Variants in TCF4 observed in about 807,000 individuals in gnomAD.
The protein encoded by TCF4 is transcription factor 4.
Under a neutral mutation model 82.1 loss-of-function variants are expected in TCF4, and 3 were observed. The ratio of observed to expected loss-of-function variants is 0.04; its 90% CI spans 0.02 to 0.09. The LOEUF is 0.09. Ranked by LOEUF, TCF4 falls within the 10% of genes least tolerant of loss-of-function variation. TCF4 has a pLI of 1.00. For missense variants in TCF4, 518 were observed against 852.7 expected, an observed-to-expected ratio of 0.61 and a Z score of 4.89; for synonymous variants, 276 against 309.6, an observed-to-expected ratio of 0.89 and a Z score of 1.14.
intron 6 of TCF4, among the ~76,000 whole-genome samples, chr18:55,365,390 T>C (rs2086745784): frequency 6.6e-6 from 1 of 151,480 alleles, no homozygotes; most frequent in South Asian, 2.1e-4. Context: ...TTATTTCTTG[T>C]AGAAGCACTG....
chr18:55,325,706 G>A (rs922204091), intron 8 of TCF4, among the ~76,000 whole-genome samples: 1 of 152,120 alleles, frequency 6.6e-6, no homozygotes, highest in Non-Finnish European at 1.5e-5. Context: ...TTGTTGTTTT[G>A]TTGTTGTTGT....
intron 2 of TCF4, among the ~76,000 whole-genome samples, chr18:55,624,485 G>A (rs1045246098): frequency 6.7e-5 from 10 of 150,322 alleles, no homozygotes; most frequent in Non-Finnish European, 1.5e-4. Flanking sequence ...ATATTATTTT[G>A]ATCAGTTTTA....
At chr18:55,246,192 G>GT in intron 15 of TCF4, among the ~76,000 whole-genome samples, 1 of 151,972 alleles carries the variant, frequency 6.6e-6, no homozygotes, top group Non-Finnish European at 1.5e-5. Flanking sequence ...ATGTAAGGAT[G>GT]TAAGAATATG....
chr18:55,586,076 C>G (rs1258846017), intron 2 of TCF4: 1 of 1,425,354 alleles, frequency 7.0e-7, no homozygotes, highest in Non-Finnish European at 9.3e-7. Context: ...CGTTTCCTGG[C>G]AAAACTTCCG....
At chr18:55,437,270 T>C (rs2095349062) in intron 5 of TCF4, among the ~76,000 whole-genome samples, 1 of 152,256 alleles carries the variant, frequency 6.6e-6, no homozygotes, top group Non-Finnish European at 1.5e-5. Flanking sequence ...ACGTATGATG[T>C]TGAATTGTGA....
chr18:55,538,492 GGC>G (rs763685357), intron 3 of TCF4, among the ~76,000 whole-genome samples: 10 of 152,092 alleles, frequency 6.6e-5, no homozygotes, highest in Non-Finnish European at 1.3e-4. Flanking sequence ...CTGTAGTTGG[GGC>G]CTGAGCCAGA....
At chr18:55,369,181 T>A (rs1603391069) in intron 6 of TCF4, among the ~76,000 whole-genome samples, 1 of 152,194 alleles carries the variant, frequency 6.6e-6, no homozygotes, top group East Asian at 1.9e-4. Context: ...AATGAATAAG[T>A]ACAAAAAGTT....
chr18:55,318,111 C>T (rs1299233003), intron 8 of TCF4, among the ~76,000 whole-genome samples: 1 of 152,090 alleles, frequency 6.6e-6, no homozygotes, highest in East Asian at 1.9e-4. Flanking sequence ...TCTTCAATTA[C>T]CATTACGAGG....
intron 17 of TCF4, chr18:55,232,092 G>A (rs2048083866): frequency 5.5e-6 from 1 of 182,536 alleles, no homozygotes; most frequent in Admixed American, 5.5e-5. Flanking sequence ...GATAAATCTA[G>A]GAAATTATTT....
At chr18:55,354,162 A>G (rs2082927577) in intron 6 of TCF4, among the ~76,000 whole-genome samples, 1 of 152,098 alleles carries the variant, frequency 6.6e-6, no homozygotes, top group African/African-American at 2.4e-5. Context: ...TTCCCAAAAG[A>G]CCTAAAATAC....
rs59685050 is a variant in TCF4 at position 55,511,331 on chromosome 18, T to TAAAAAAAA, written c.146-47202_146-47195dup. Among the ~76,000 whole-genome samples, 17 of 131,378 alleles carry TAAAAAAAA rather than the reference T, an allele frequency of 1.3e-4. 4 individuals are homozygous for TAAAAAAAA. Among genetic ancestry groups the TAAAAAAAA allele is most frequent in the Non-Finnish European group, 1.1e-4 (7 of 63,420 alleles). The allele number at this position is 131,378 out of a possible 152,430, so 86.2% of individuals were successfully genotyped here. Reference sequence around the variant, plus strand: ...AGGTAATAGAGTAATTCCAAAAGTTTAAAAAAAAAAAAAAAAAAAGCATTC... The same window carrying TAAAAAAAA: ...AGGTAATAGAGTAATTCCAAAAGTTTAAAAAAAAAAAAAAAAAAAAAAAAAAAGCATTC... On this transcript the variant is annotated intron_variant, in intron 3 of 19. Transcript: ENST00000354452.
chr18:55,546,014 T>C (rs2097204036), intron 3 of TCF4, among the ~76,000 whole-genome samples: 1 of 152,076 alleles, frequency 6.6e-6, no homozygotes, highest in Non-Finnish European at 1.5e-5. Flanking sequence ...TGACCTCCTA[T>C]ACATAAAGAC....
chr18:55,450,954 G>A (rs2095611271), intron 5 of TCF4, among the ~76,000 whole-genome samples: 1 of 152,180 alleles, frequency 6.6e-6, no homozygotes, highest in African/African-American at 2.4e-5. Flanking sequence ...AAAATGGAGA[G>A]AAACATGGCT....
At chr18:55,427,957 A>G (rs1297913506) in intron 5 of TCF4, among the ~76,000 whole-genome samples, 2 of 152,238 alleles carry the variant, frequency 1.3e-5, no homozygotes, top group Non-Finnish European at 2.9e-5. Context: ...ATAATTTATT[A>G]CGTGAATGAA....
intron 8 of TCF4, among the ~76,000 whole-genome samples, chr18:55,284,034 C>A (rs75909286): frequency 5.8e-4 from 88 of 151,950 alleles, no homozygotes; most frequent in African/African-American, 2.0e-3. Flanking sequence ...TAAATAAAAC[C>A]TATTTTAAGC....
intron 3 of TCF4, among the ~76,000 whole-genome samples, chr18:55,546,239 T>G (rs1248823197): frequency 1.3e-5 from 2 of 152,128 alleles, no homozygotes; most frequent in Non-Finnish European, 2.9e-5. Flanking sequence ...CTCAGGAGGC[T>G]GAGGTGGGAG....
In TCF4 at chr18:55,227,868, AT is replaced by A. The variant is rs992092903; in HGVS notation, c.*166del. On this transcript the variant is annotated 3_prime_UTR_variant, in exon 20 of 20. Coordinates refer to ENST00000354452, the MANE Select transcript of TCF4 (RefSeq NM_001083962.2). ...TTTTTTGTTTTTCTGTTTTTTGATA[AT>A]TGGGAATGCTGAAACCTCTTGCGTC... 4.5e-6 allele frequency: 1 copy of A among 223,002 alleles called. No homozygotes were observed. The highest frequency in any genetic ancestry group is 2.4e-5 in the African/African-American group (1 of 42,358). The allele number at this position is 223,002 out of a possible 1,614,324, so 13.8% of individuals were successfully genotyped here.
At chr18:55,360,006 G>C (rs1033245349) in intron 6 of TCF4, among the ~76,000 whole-genome samples, 5 of 152,212 alleles carry the variant, frequency 3.3e-5, no homozygotes, top group Admixed American at 6.5e-5. Flanking sequence ...GTTCTAAAAA[G>C]AATTTGGAAC....
intron 3 of TCF4, among the ~76,000 whole-genome samples, chr18:55,480,482 T>C (rs1027005331): frequency 1.3e-5 from 2 of 152,144 alleles, no homozygotes; most frequent in Non-Finnish European, 2.9e-5. Flanking sequence ...AAAACAAACA[T>C]AGCAGAATTT....
Sources: allele counts gnomAD v4.1 joint callset (sites outside exome capture counted in the v4.1 genomes callset), GRCh38; gene constraint gnomAD v4.1.1; transcripts MANE v1.5; gene names NCBI Gene and HGNC (gene_info 2026-07-23, HGNC 2026-07-21).